Variants in RYR2 observed in about 807,000 individuals in gnomAD.
RYR2 encodes the protein ryanodine receptor 2, also known as cardiac muscle ryanodine receptor-calcium release channel.
A neutral mutation model predicts 601.1 loss-of-function variants in RYR2; 227 were observed. That is an observed-to-expected ratio of 0.38 (90% confidence interval 0.34 to 0.42). The LOEUF (loss-of-function observed/expected upper bound fraction) is 0.42, where lower values mean the gene tolerates loss of function less well. RYR2 is among the 10% of genes least tolerant of loss of function. RYR2 has a pLI of 1.00. For synonymous variants in RYR2, 2,223 were observed against 2,175.1 expected, an observed-to-expected ratio of 1.02 and a Z score of -0.61; for missense variants, 4,646 against 6,156.5, an observed-to-expected ratio of 0.75 and a Z score of 8.21.
intron 1 of RYR2, among the ~76,000 whole-genome samples, chr1:237,098,379 TTGTGTGTATGTG>T (rs1477027239): frequency 3.9e-4 from 23 of 58,794 alleles, no homozygotes; most frequent in South Asian, 3.0e-3. Context: ...ATAGTTGCCA[TTGTGTGTATGTG>T]TGTGTGTGTG....
At chr1:237,422,873 ACTT>A (rs746607038) in intron 11 of RYR2, among the ~76,000 whole-genome samples, 2 of 152,146 alleles carry the variant, frequency 1.3e-5, no homozygotes, top group African/African-American at 2.4e-5. Flanking sequence ...GTTACATTTA[ACTT>A]CTTCTTACTA....
chr1:237,808,933 T>C lies in RYR2; in HGVS notation c.14331T>C (p.Val4777=), dbSNP rs1382527950. The change falls in exon 100 of 105, where the codon GTT becomes GTC. Residue 4777 remains valine, a synonymous_variant. Transcript: ENST00000366574. ...LVLTVGLLAV[V]VYLYTVVAFN... ...TAACCGTTGGCTTATTAGCTGTTGT[T>C]GTATACCTATACACTGTGGTGGCAT... The C allele has an allele frequency of 1.2e-6, 2 of 1,613,724 alleles. No individual in the cohort carries two copies. The highest frequency in any genetic ancestry group is 1.7e-6 in the Non-Finnish European group (2 of 1,179,604).
chr1:237,301,504 GT>G lies in RYR2; in HGVS notation c.169-29372del, dbSNP rs1300556072. 2.0e-5 allele frequency among the ~76,000 whole-genome samples: 3 copies of G among 152,132 alleles called. No homozygotes were observed. The East Asian group carries it at 5.8e-4, about 29-fold the overall frequency. On this transcript the variant is annotated intron_variant, in intron 2 of 104. Coordinates refer to ENST00000366574, the MANE Select transcript of RYR2 (RefSeq NM_001035.3). ...CTTCCAAGCACTGTAGTTGATAAGA[GT>G]TCAAACAGTCACGTAACCCCTTTTC... is the stretch of plus-strand genomic sequence containing the variant.
At chr1:237,342,867 A>C (rs1158950144) in intron 3 of RYR2, among the ~76,000 whole-genome samples, 1 of 152,202 alleles carries the variant, frequency 6.6e-6, no homozygotes, top group Non-Finnish European at 1.5e-5. Flanking sequence ...AATGTGAGCC[A>C]TATGTGAGAC....
At chr1:237,797,855 G>A (rs948435281) in intron 96 of RYR2, among the ~76,000 whole-genome samples, 182 bp from the exon 97 acceptor site, 1 of 152,188 alleles carries the variant, frequency 6.6e-6, no homozygotes, top group African/African-American at 2.4e-5. Flanking sequence ...TATGTAAGAT[G>A]CTGTGAATTT....
intron 79 of RYR2, among the ~76,000 whole-genome samples, chr1:237,736,026 A>G (rs1691111468): frequency 6.6e-6 from 1 of 152,116 alleles, no homozygotes; most frequent in South Asian, 2.1e-4. Context: ...ACAAAATTTT[A>G]CTCTTCCTAT....
At chr1:237,332,761 A>T (rs1696873035) in intron 3 of RYR2, among the ~76,000 whole-genome samples, 1 of 152,206 alleles carries the variant, frequency 6.6e-6, no homozygotes, top group African/African-American at 2.4e-5. Context: ...CTTTGAGAAG[A>T]TCTTTTATCT....
At chr1:237,266,407 T>G (rs544932505) in intron 1 of RYR2, among the ~76,000 whole-genome samples, 1 of 152,280 alleles carries the variant, frequency 6.6e-6, no homozygotes, top group South Asian at 2.1e-4. Flanking sequence ...GTGCATTTCA[T>G]ATATATGTTA....
chr1:237,386,805 A>T (rs970876606), intron 8 of RYR2, among the ~76,000 whole-genome samples: 2 of 152,178 alleles, frequency 1.3e-5, no homozygotes, highest in African/African-American at 4.8e-5. Flanking sequence ...CAAATTGCAG[A>T]TAACAGTTCC....
intron 25 of RYR2, among the ~76,000 whole-genome samples, chr1:237,544,721 T>G (rs1035998221): frequency 6.6e-6 from 1 of 152,210 alleles, no homozygotes; most frequent in Non-Finnish European, 1.5e-5. Flanking sequence ...ACTTATTTAC[T>G]TTTAAATATA....
intron 95 of RYR2, 142 bp downstream of exon 95, chr1:237,794,139 CAG>C: frequency 1.5e-6 from 1 of 688,010 alleles, no homozygotes; most frequent in Non-Finnish European, 2.4e-6. Flanking sequence ...TCTAAAGACT[CAG>C]TGCTGTCCAA....
chr1:237,714,013 C>T (rs1378038891), intron 71 of RYR2, among the ~76,000 whole-genome samples: 2 of 151,644 alleles, frequency 1.3e-5, no homozygotes, highest in African/African-American at 2.4e-5. Context: ...ACAGAAAGGT[C>T]ATGTGATAAA....
intron 100 of RYR2, among the ~76,000 whole-genome samples, chr1:237,812,356 G>A (rs531966715): frequency 6.6e-6 from 1 of 152,174 alleles, no homozygotes; most frequent in Non-Finnish European, 1.5e-5. Flanking sequence ...TGCATGGTAA[G>A]CACCTTTCTA....
chr1:237,520,119 G>A (rs112830139), intron 24 of RYR2, among the ~76,000 whole-genome samples: 2,253 of 152,198 alleles, frequency 0.015, 24 homozygotes, highest in Non-Finnish European at 0.023. Context: ...ATTGTTACTG[G>A]TCTATAGATA....
At chr1:237,792,382 C>CGTGTGTGTGT (rs1359233766) in intron 94 of RYR2, 59 bp downstream of exon 94, 22 of 667,110 alleles carry the variant, frequency 3.3e-5, no homozygotes, top group Admixed American at 2.0e-4. Flanking sequence ...TGTGTGTGTG[C>CGTGTGTGTGT]GTGTGTGTGT....
chr1:237,389,269 A>G (rs1702185245), intron 10 of RYR2, among the ~76,000 whole-genome samples: 1 of 152,228 alleles, frequency 6.6e-6, no homozygotes, highest in Non-Finnish European at 1.5e-5. Context: ...GAGAGATGTC[A>G]AGCATATTCT....
chr1:237,255,429 T>C (rs922274160), intron 1 of RYR2, among the ~76,000 whole-genome samples: 1 of 152,228 alleles, frequency 6.6e-6, no homozygotes, highest in African/African-American at 2.4e-5. Context: ...CATTTTAGGC[T>C]CTTCACTTCT....
At position 237,574,725 on chromosome 1, in the gene RYR2, C is replaced by CA. The variant is rs146749155; in HGVS notation, c.3598+5413dup. Among the ~76,000 whole-genome samples, 495 of 151,958 alleles carry CA rather than the reference C, an allele frequency of 3.3e-3. 4 individuals carry two copies. Among genetic ancestry groups the CA allele is most frequent in the Non-Finnish European group, 4.9e-3 (334 of 67,966 alleles). On this transcript the variant is annotated intron_variant, in intron 29 of 104. Transcript: ENST00000366574. ...AGAACAGCCCCAAGTTCATAGCTGG[C>CA]AAAAAAACAAACAAAAACCGAGAAA... is the stretch of plus-strand genomic sequence containing the variant.
At chr1:237,490,157 C>A (rs947762904) in intron 17 of RYR2, among the ~76,000 whole-genome samples, 1 of 152,120 alleles carries the variant, frequency 6.6e-6, no homozygotes, top group Non-Finnish European at 1.5e-5. Context: ...AAGATAGCAA[C>A]AATAGACTAG....
Sources: allele counts gnomAD v4.1 joint callset (sites outside exome capture counted in the v4.1 genomes callset), GRCh38; gene constraint gnomAD v4.1.1; transcripts MANE v1.5; gene names NCBI Gene and HGNC (gene_info 2026-07-23, HGNC 2026-07-21).